Variants in VANGL1 observed in about 807,000 individuals in gnomAD.
VANGL1 encodes the protein VANGL planar cell polarity protein 1.
In VANGL1, 18 loss-of-function variants were observed where a neutral mutation model predicts 48.4. The observed-to-expected ratio is 0.37, with a 90% CI of 0.26 to 0.55. VANGL1 has a LOEUF of 0.55. Among genes scored for constraint, VANGL1 ranks in the 20% least tolerant of loss-of-function variants. The probability of loss-of-function intolerance (pLI) is 0.81; values close to 1 mark genes in which losing one functional copy is unlikely to be tolerated. For synonymous variants in VANGL1, 257 were observed against 261.8 expected, an observed-to-expected ratio of 0.98 and a Z score of 0.18; for missense variants, 667 against 675.8, an observed-to-expected ratio of 0.99 and a Z score of 0.14.
At position 115,695,103 on chromosome 1, in the gene VANGL1, AC is replaced by A. The variant is rs1461869791; in HGVS notation, c.*3725del. ...GCTGTCCTGCAGGCAAGTCCATTAA[AC>A]TCTTTCTTGCTTTAGGACTCTGAAA... On this transcript the variant is annotated 3_prime_UTR_variant, in exon 8 of 8. Coordinates refer to ENST00000355485, the MANE Select transcript of VANGL1 (RefSeq NM_138959.3). 3 of 151,918 alleles carry A rather than the reference AC, an allele frequency of 2.0e-5. No individual in the cohort carries two copies. Among genetic ancestry groups the A allele is most frequent in the Admixed American group, 1.3e-4 (2 of 15,258 alleles). The allele number at this position is 151,918 out of a possible 1,614,324, so 9.4% of individuals were successfully genotyped here.
chr1:115,670,373 G>GCT (rs1652934637), intron 4 of VANGL1, among the ~76,000 whole-genome samples: 1 of 152,208 alleles, frequency 6.6e-6, no homozygotes, highest in African/African-American at 2.4e-5. Context: ...GTTGAATAGA[G>GCT]CTCATCTTGT....
intron 7 of VANGL1, among the ~76,000 whole-genome samples, chr1:115,690,295 T>G (rs1461819418): frequency 4.6e-5 from 7 of 152,282 alleles, no homozygotes; most frequent in East Asian, 3.9e-4. Flanking sequence ...CCTGAGAGGT[T>G]CAAGAGAAGA....
rs1469738636 is a variant in VANGL1, at chr1:115,696,676, A to G, written c.*5297A>G. On this transcript the variant is annotated 3_prime_UTR_variant, in exon 8 of 8. Transcript: ENST00000355485. Reference sequence around the variant, plus strand: ...CCCAGGTCCTGTTCCGTTTCTACGTAGATAACCCAATTTGTTTTGTCTATG... The same window carrying G: ...CCCAGGTCCTGTTCCGTTTCTACGTGGATAACCCAATTTGTTTTGTCTATG... The G allele has an allele frequency of 1.3e-5, 2 of 152,220 alleles. No individual in the cohort carries two copies. Among genetic ancestry groups the G allele is most frequent in the Non-Finnish European group, 2.9e-5 (2 of 68,048 alleles). 9.4% of individuals were successfully genotyped at this position (152,220 alleles called of 1,614,324 possible).
chr1:115,682,545 G>T (rs760075377), intron 5 of VANGL1, 48 bp downstream of exon 5: 1 of 1,613,804 alleles, frequency 6.2e-7, no homozygotes, highest in South Asian at 1.1e-5. Context: ...GGCACAGTTG[G>T]GTGACTATTT....
At chr1:115,670,447 A>C (rs1652936768) in intron 4 of VANGL1, among the ~76,000 whole-genome samples, 1 of 152,166 alleles carries the variant, frequency 6.6e-6, no homozygotes, top group Admixed American at 6.5e-5. Flanking sequence ...TCTGGATTGC[A>C]CTTTGATTTT....
rs375589320 is a variant in VANGL1, at chr1:115,660,306, A to G, written c.204+533A>G. 9.2e-5 allele frequency among the ~76,000 whole-genome samples: 14 copies of G among 152,342 alleles called. 1 individual carries two copies. Among genetic ancestry groups the G allele is most frequent in the Middle Eastern group, 6.8e-3 (2 of 294 alleles). ...GCAATCTGTGCAGTGCCTCAGTGTC[A>G]GTGCTGTAGTGTGGTGTGAAGGAGC... is the stretch of plus-strand genomic sequence containing the variant. On this transcript the variant is annotated intron_variant, in intron 3 of 7. Transcript: ENST00000355485.
At chr1:115,656,005 A>C (rs1472326891) in intron 2 of VANGL1, among the ~76,000 whole-genome samples, 2 of 152,162 alleles carry the variant, frequency 1.3e-5, no homozygotes, top group African/African-American at 4.8e-5. Flanking sequence ...AAGTTATTCT[A>C]ATTTTCTAAT....
intron 7 of VANGL1, among the ~76,000 whole-genome samples, chr1:115,687,556 T>C (rs893469648): frequency 1.4e-5 from 2 of 138,754 alleles, no homozygotes; most frequent in African/African-American, 5.4e-5. Context: ...TAAAGAAAAG[T>C]ATCATGCGGA....
chr1:115,661,218 C>T (rs755008108), intron 3 of VANGL1, among the ~76,000 whole-genome samples: 1 of 152,136 alleles, frequency 6.6e-6, no homozygotes, highest in African/African-American at 2.4e-5. Context: ...TTGATGAAAG[C>T]ATCTTAGGTG....
At chr1:115,673,553 A>G (rs1279320280) in intron 4 of VANGL1, among the ~76,000 whole-genome samples, 1 of 138,720 alleles carries the variant, frequency 7.2e-6, no homozygotes, top group Non-Finnish European at 1.5e-5. Context: ...TTCTGCCCCC[A>G]TCATTACATG....
Position 115,694,215 on chromosome 1 carries a change from G to A in VANGL1, c.*2836G>A, listed in dbSNP as rs927022236. 1 of 152,092 alleles carries A rather than the reference G, an allele frequency of 6.6e-6. No individual in the cohort carries two copies. The highest frequency in any genetic ancestry group is 1.5e-5 in the Non-Finnish European group (1 of 68,020). 9.4% of individuals were successfully genotyped at this position (152,092 alleles called of 1,614,324 possible). ...TGTTAAGTCAAATCTGTAATACTTT[G>A]GCTAAAATTCATAAAGTAAGCCCTA... On this transcript the variant is annotated 3_prime_UTR_variant, in exon 8 of 8. Coordinates refer to ENST00000355485, the MANE Select transcript of VANGL1 (RefSeq NM_138959.3).
Position 115,691,618 on chromosome 1 carries a change from A to G in VANGL1, c.*239A>G, listed in dbSNP as rs1653840507. ...TGTCGATGGGACTTCTCAAGAAGCCATTCCTTGGAGCTTCTGTTACAGCTG... is the reference window on the plus strand; with the variant it reads ...TGTCGATGGGACTTCTCAAGAAGCCGTTCCTTGGAGCTTCTGTTACAGCTG... On this transcript the variant is annotated 3_prime_UTR_variant, in exon 8 of 8. Transcript: ENST00000355485. 6.5e-6 allele frequency: 3 copies of G among 465,006 alleles called. No homozygotes were observed. Among genetic ancestry groups the G allele is most frequent in the South Asian group, 6.4e-5 (2 of 31,212 alleles). 28.8% of individuals were successfully genotyped at this position (465,006 alleles called of 1,614,324 possible). A position where few individuals can be genotyped will look rare whatever the true frequency, so the allele number is the denominator to read the frequency against.
At chr1:115,645,171 T>G (rs573467949) in intron 1 of VANGL1, among the ~76,000 whole-genome samples, 6 of 152,188 alleles carry the variant, frequency 3.9e-5, no homozygotes, top group African/African-American at 1.2e-4. Context: ...GACATTTGCT[T>G]CCAACCTGGG....
At chr1:115,642,981 A>G (rs1225552385) in intron 1 of VANGL1, among the ~76,000 whole-genome samples, 1 of 152,206 alleles carries the variant, frequency 6.6e-6, no homozygotes, top group Non-Finnish European at 1.5e-5. Context: ...CTTGGAGCTG[A>G]GGAATCTGTT....
intron 5 of VANGL1, 111 bp downstream of exon 5, chr1:115,682,608 A>G: frequency 6.6e-7 from 1 of 1,516,462 alleles, no homozygotes; most frequent in Non-Finnish European, 9.1e-7. Context: ...CCTTTATGGT[A>G]CATTCTTGTT....
chr1:115,691,563 G>C lies in VANGL1; in HGVS notation c.*184G>C. On this transcript the variant is annotated 3_prime_UTR_variant, in exon 8 of 8. Coordinates refer to ENST00000355485, the MANE Select transcript of VANGL1 (RefSeq NM_138959.3). ...GAAGGAAGCAGGGGCTGTCCACCCTGAAAAAGAGTGACTGATGACATCTGA... is the reference window on the plus strand; with the variant it reads ...GAAGGAAGCAGGGGCTGTCCACCCTCAAAAAGAGTGACTGATGACATCTGA... 1.6e-6 allele frequency: 1 copy of C among 642,936 alleles called. No homozygotes were observed. Among genetic ancestry groups the C allele is most frequent in the Non-Finnish European group, 2.5e-6 (1 of 397,182 alleles). 39.8% of individuals were successfully genotyped at this position (642,936 alleles called of 1,614,324 possible).
At chr1:115,642,918 G>A (rs956709771) in intron 1 of VANGL1, among the ~76,000 whole-genome samples, 2 of 152,206 alleles carry the variant, frequency 1.3e-5, no homozygotes, top group African/African-American at 2.4e-5. Context: ...CCGTGGTGGC[G>A]GCAGCAGTGG....
intron 1 of VANGL1, among the ~76,000 whole-genome samples, chr1:115,643,144 TG>T (rs1240378705): frequency 6.6e-6 from 1 of 152,228 alleles, no homozygotes; most frequent in African/African-American, 2.4e-5. Flanking sequence ...GACCTGGCTT[TG>T]GTTAGAAATG....
At position 115,682,521 on chromosome 1, in the gene VANGL1, G is replaced by A. The variant is rs754150363; in HGVS notation, c.946+24G>A. On this transcript the variant is annotated intron_variant, in intron 5 of 7. Coordinates refer to ENST00000355485, the MANE Select transcript of VANGL1 (RefSeq NM_138959.3). ...TGGTATGTGCCTTGAAAGGGTGTCCGTGGTGCTCACAGGGGCACAGTTGGG... is the reference window on the plus strand; with the variant it reads ...TGGTATGTGCCTTGAAAGGGTGTCCATGGTGCTCACAGGGGCACAGTTGGG... The A allele has an allele frequency of 4.3e-5, 70 of 1,614,046 alleles. No homozygotes were observed. The East Asian group carries it at 1.2e-3, about 28-fold the overall frequency.
Sources: allele counts gnomAD v4.1 joint callset (sites outside exome capture counted in the v4.1 genomes callset), GRCh38; gene constraint gnomAD v4.1.1; transcripts MANE v1.5; gene names NCBI Gene and HGNC (gene_info 2026-07-23, HGNC 2026-07-21).